Variants in RPL5 observed in about 807,000 individuals in gnomAD.
RPL5 encodes ribosomal protein L5.
In RPL5, 1 loss-of-function variant was observed where a neutral mutation model predicts 38.4. That is an observed-to-expected ratio of 0.03 (90% CI 0.01 to 0.12). The LOEUF (loss-of-function observed/expected upper bound fraction) is 0.12, where lower values mean the gene tolerates loss of function less well. Ranked by LOEUF, RPL5 falls within the 10% of genes least tolerant of loss-of-function variation. The probability of loss-of-function intolerance (pLI) is 1.00; values close to 1 mark genes in which losing one functional copy is unlikely to be tolerated. For missense variants in RPL5, 243 were observed against 374.1 expected (o/e 0.65, Z 2.89); for synonymous variants, 109 against 121.2 (o/e 0.90, Z 0.66).
intron 6 of RPL5, 66 bp downstream of exon 6, chr1:92,837,699 G>C: frequency 7.3e-7 from 1 of 1,366,324 alleles, no homozygotes; most frequent in Non-Finnish European, 1.0e-6. Flanking sequence ...TACTTGTTTT[G>C]GGGGCAGGTA....
At chr1:92,834,655 T>G (rs1687046175) in intron 3 of RPL5, 124 bp from the exon 4 acceptor site, 3 of 1,318,682 alleles carry the variant, frequency 2.3e-6, no homozygotes, top group African/African-American at 1.5e-5. Context: ...GCTAAGAGTC[T>G]TAAGCATTTT....
intron 1 of RPL5, 181 bp downstream of exon 1, chr1:92,832,298 A>G (rs1370821638): frequency 1.1e-6 from 1 of 932,630 alleles, no homozygotes; most frequent in Non-Finnish European, 1.7e-6. Context: ...CGGTGCGCGA[A>G]CTTGGGGGGA....
At chr1:92,832,185 C>A in intron 1 of RPL5, 68 bp downstream of exon 1, 1 of 1,604,258 alleles carries the variant, frequency 6.2e-7, no homozygotes, top group Admixed American at 1.7e-5. Context: ...CGTATGCCAG[C>A]CTAGGGCCCG....
At chr1:92,835,679 ATG>A (rs1553122024) in intron 4 of RPL5, among the ~76,000 whole-genome samples, 2 of 150,976 alleles carry the variant, frequency 1.3e-5, no homozygotes, top group Admixed American at 6.6e-5. Context: ...AAAAAAAAAA[ATG>A]AGAATCTTAG....
chr1:92,838,065 A>G (rs1291772776), intron 6 of RPL5, among the ~76,000 whole-genome samples: 5 of 152,240 alleles, frequency 3.3e-5, no homozygotes, highest in South Asian at 2.1e-4. Context: ...GAGGGGAGCC[A>G]TGTTTGCAAG....
chr1:92,832,165 T>C, intron 1 of RPL5, 48 bp downstream of exon 1: 1 of 1,612,696 alleles, frequency 6.2e-7, no homozygotes, highest in Non-Finnish European at 8.5e-7. Context: ...GGAGGTTCCC[T>C]TTTCTTGCCC....
At chr1:92,833,978 C>T (rs1351342928) in intron 3 of RPL5, 8 of 350,198 alleles carry the variant, frequency 2.3e-5, no homozygotes, top group Non-Finnish European at 3.8e-5. Flanking sequence ...CATGGCGGGG[C>T]GCACCTGTAG....
intron 5 of RPL5, 94 bp from the exon 6 acceptor site, chr1:92,837,362 T>C (rs77093817): frequency 1.2e-5 from 13 of 1,081,460 alleles, no homozygotes; most frequent in Non-Finnish European, 1.9e-5. Context: ...GATAATTGTT[T>C]CAAGACGGGA....
At chr1:92,832,752 G>T (rs1226916445) in intron 1 of RPL5, 3 of 478,728 alleles carry the variant, frequency 6.3e-6, no homozygotes, top group Non-Finnish European at 1.1e-5. Flanking sequence ...TTGGGGTAGG[G>T]CCCCAAGGGT....
intron 7 of RPL5, 134 bp from the exon 8 acceptor site, chr1:92,841,632 C>T (rs1285879742): frequency 1.9e-6 from 1 of 532,160 alleles, no homozygotes. Flanking sequence ...TGTATTTGAA[C>T]TTGGATTATT....
intron 6 of RPL5, 95 bp downstream of exon 6, chr1:92,837,728 GT>G: frequency 2.0e-6 from 2 of 978,718 alleles, no homozygotes; most frequent in Non-Finnish European, 3.2e-6. Context: ...ATATAGGTGT[GT>G]TTCTTGACAA....
At chr1:92,839,204 C>A (rs1199783600) in intron 6 of RPL5, among the ~76,000 whole-genome samples, 1 of 151,516 alleles carries the variant, frequency 6.6e-6, no homozygotes, top group African/African-American at 2.4e-5. Flanking sequence ...GCTAAAAATA[C>A]AAAAATTAGC....
At chr1:92,840,024 T>C (rs1403289972) in intron 6 of RPL5, among the ~76,000 whole-genome samples, 2 of 151,578 alleles carry the variant, frequency 1.3e-5, no homozygotes, top group Non-Finnish European at 1.5e-5. Context: ...TTTTTTTTTT[T>C]TTAATTTTTG....
intron 7 of RPL5, among the ~76,000 whole-genome samples, chr1:92,841,042 C>T (rs1180454346): frequency 6.6e-6 from 1 of 152,166 alleles, no homozygotes; most frequent in African/African-American, 2.4e-5. Context: ...AAATACTTAA[C>T]ACTTTGTGGC....
At chr1:92,838,237 GAC>G (rs1353866227) in intron 6 of RPL5, among the ~76,000 whole-genome samples, 1 of 152,192 alleles carries the variant, frequency 6.6e-6, no homozygotes, top group African/African-American at 2.4e-5. Flanking sequence ...CTATGCTTTG[GAC>G]ACAGTGTAAA....
At chr1:92,836,705 T>A (rs1424716654) in intron 5 of RPL5, 1 of 296,876 alleles carries the variant, frequency 3.4e-6, no homozygotes, top group African/African-American at 2.2e-5. Flanking sequence ...TCTTTCCCCA[T>A]GCACTTTCTT....
intron 6 of RPL5, among the ~76,000 whole-genome samples, chr1:92,838,054 T>C (rs1687195830): frequency 6.6e-6 from 1 of 152,176 alleles, no homozygotes; most frequent in South Asian, 2.1e-4. Flanking sequence ...GTTGTAGAAA[T>C]GAGGGGAGCC....
Position 92,833,319 on chromosome 1 carries a change from T to C in RPL5, c.4-70T>C, listed in dbSNP as rs114860423. 8.0e-6 allele frequency: 10 copies of C among 1,243,414 alleles called. No homozygotes were observed. In the African/African-American group the frequency reaches 1.3e-4, roughly 17 times the overall value. 77.0% of individuals were successfully genotyped at this position (1,243,414 alleles called of 1,614,324 possible). ...GAAGTTCAAGTGTTACTTTGTTACA[T>C]GGTTAATTTATGTCAAAAGTATCAT... On this transcript the variant is annotated intron_variant, in intron 1 of 7. Transcript: ENST00000370321.
chr1:92,832,136 C>G lies in RPL5; in HGVS notation c.3+19C>G. 3 of 1,614,040 alleles carry G rather than the reference C, an allele frequency of 1.9e-6. No homozygotes were observed. Among genetic ancestry groups the G allele is most frequent in the Non-Finnish European group, 1.7e-6 (2 of 1,179,952 alleles). On this transcript the variant is annotated intron_variant, in intron 1 of 7. Transcript: ENST00000370321. Reference sequence around the variant, plus strand: ...CAGGATGGTGAGTGGATGCCTCGGTCTCGGGGCTTTAGATGCATGGAGGTT... The same window carrying G: ...CAGGATGGTGAGTGGATGCCTCGGTGTCGGGGCTTTAGATGCATGGAGGTT...
Sources: gnomAD v4.1 joint callset for allele counts (sites outside exome capture counted in the v4.1 genomes callset) on GRCh38, gnomAD v4.1.1 for gene constraint, MANE v1.5 for transcripts, NCBI Gene and HGNC (gene_info 2026-07-23, HGNC 2026-07-21) for gene names.